KMT2C: variants seen among roughly 807,000 people sequenced by gnomAD.
KMT2C encodes the protein histone-lysine N-methyltransferase 2C.
A neutral mutation model predicts 507.9 loss-of-function variants in KMT2C; 88 were observed. The ratio of observed to expected loss-of-function variants is 0.17; its 90% CI spans 0.15 to 0.21. The LOEUF (loss-of-function observed/expected upper bound fraction) is 0.21, where lower values mean the gene tolerates loss of function less well. Among genes scored for constraint, KMT2C ranks in the 10% least tolerant of loss-of-function variants. The pLI is 1.00. For synonymous variants in KMT2C, 2,049 were observed against 2,080.8 expected (o/e 0.98, Z 0.42); for missense variants, 4,954 against 5,957.8 (o/e 0.83, Z 5.55).
At chr7:152,288,939 T>C (rs1411563129) in intron 6 of KMT2C, among the ~76,000 whole-genome samples, 1 of 152,282 alleles carries the variant, frequency 6.6e-6, no homozygotes, top group Non-Finnish European at 1.5e-5. Flanking sequence ...AGCAAAAACA[T>C]CCATTAGTAA....
intron 1 of KMT2C, among the ~76,000 whole-genome samples, chr7:152,395,070 A>T (rs1357728481): frequency 2.6e-5 from 4 of 152,240 alleles, no homozygotes; most frequent in African/African-American, 9.6e-5. Flanking sequence ...ATCGTAAGGC[A>T]TGCCAATTAA....
At chr7:152,294,278 T>C (rs1481891186) in intron 6 of KMT2C, among the ~76,000 whole-genome samples, 5 of 152,186 alleles carry the variant, frequency 3.3e-5, no homozygotes, top group African/African-American at 1.2e-4. Context: ...GATGAAATAA[T>C]CCATTGTTAA....
chr7:152,224,790 T>C (rs1229820097), intron 18 of KMT2C, among the ~76,000 whole-genome samples, 174 bp from the exon 19 acceptor site: 2 of 152,200 alleles, frequency 1.3e-5, no homozygotes, highest in Non-Finnish European at 2.9e-5. Flanking sequence ...CATACACGCT[T>C]TTAGAAGCCT....
At position 152,136,469 on chromosome 7, in the gene KMT2C, TGCCCCA is replaced by T. The variant is rs1587558892; in HGVS notation, c.*357_*362del. ...CGGGGCAGGGCAGCCATCGGCTCTT[TGCCCCA>T]GTAAAAGTTTCTCCTTAGTGAGACT... On this transcript the variant is annotated 3_prime_UTR_variant, in exon 59 of 59. Transcript: ENST00000262189. 18 of 262,220 alleles carry T rather than the reference TGCCCCA, an allele frequency of 6.9e-5. No individual in the cohort carries two copies. The East Asian group carries it at 1.0e-3, about 15-fold the overall frequency. 16.2% of individuals were successfully genotyped at this position (262,220 alleles called of 1,614,324 possible).
intron 1 of KMT2C, among the ~76,000 whole-genome samples, chr7:152,414,432 G>A (rs2097713540): frequency 6.6e-6 from 1 of 152,050 alleles, no homozygotes; most frequent in African/African-American, 2.4e-5. Context: ...GGAGGCTGAG[G>A]CAGGAGTATC....
intron 2 of KMT2C, among the ~76,000 whole-genome samples, chr7:152,351,602 G>C (rs2129226456): frequency 6.6e-6 from 1 of 152,260 alleles, no homozygotes; most frequent in African/African-American, 2.4e-5. Context: ...GGAAGTCAGG[G>C]ACCCCAAACT....
rs761912547 is a variant in KMT2C at position 152,181,835 on chromosome 7, T to C, written c.6025A>G (p.Lys2009Glu). Residue 2009 changes from lysine (K) to glutamate (E), a missense_variant, in exon 36 of 59, where the codon AAA becomes GAA. Coordinates refer to ENST00000262189, the MANE Select transcript of KMT2C (RefSeq NM_170606.3). ...IAAGTSDHFT[K>E]PSPRADVFQR... ...AACACATCTGCCCTAGGAGATGGTTTAGTAAAGTGATCACTGGTTCCAGCT... is the reference window on the plus strand; with the variant it reads ...AACACATCTGCCCTAGGAGATGGTTCAGTAAAGTGATCACTGGTTCCAGCT... 1 of 1,614,126 alleles carries C rather than the reference T, an allele frequency of 6.2e-7. No individual in the cohort carries two copies. The highest frequency in any genetic ancestry group is 1.1e-5 in the South Asian group (1 of 91,084).
intron 23 of KMT2C, among the ~76,000 whole-genome samples, chr7:152,214,808 G>A (rs1412707620): frequency 2.0e-5 from 3 of 152,046 alleles, no homozygotes; most frequent in African/African-American, 7.3e-5. Context: ...TGGAGGTAGG[G>A]GATGGGTGGG....
intron 3 of KMT2C, among the ~76,000 whole-genome samples, chr7:152,326,464 G>A (rs1011443133): frequency 6.6e-6 from 1 of 151,462 alleles, no homozygotes; most frequent in Non-Finnish European, 1.5e-5. Context: ...ATTTAACTCT[G>A]TTCCTAATAT....
At chr7:152,426,195 C>T (rs73164558) in intron 1 of KMT2C, among the ~76,000 whole-genome samples, 11,422 of 151,250 alleles carry the variant, frequency 0.076, 608 homozygotes, top group Middle Eastern at 0.14. Flanking sequence ...CCACTATCCC[C>T]GCCTCCAATA....
chr7:152,273,757 G>C lies in KMT2C; in HGVS notation c.960C>G (p.Phe320Leu). ...CTGGACAAAGCAGGAAGATGTGACTGAAATCCTGAAAGGTGCCGGCTCCTG... is the reference window on the plus strand; with the variant it reads ...CTGGACAAAGCAGGAAGATGTGACTCAAATCCTGAAAGGTGCCGGCTCCTG... ...CAAGAGTFQD[F>L]SHIFLLCPEH... The change falls in exon 7 of 59, where the codon TTC becomes TTG. Residue 320 changes from phenylalanine (F) to leucine (L), a missense_variant. Phe to Leu is a conservative substitution (Grantham distance 22). Around this residue, in one of 29 missense-constraint regions of KMT2C, gnomAD observed 24 missense variants for 82.7 expected, o/e 0.29. Transcript: ENST00000262189. 1 of 1,614,022 alleles carries C rather than the reference G, an allele frequency of 6.2e-7. No homozygotes were observed. The highest frequency in any genetic ancestry group is 2.2e-5 in the East Asian group (1 of 44,890).
intron 1 of KMT2C, among the ~76,000 whole-genome samples, chr7:152,376,865 C>A (rs1159420291): frequency 6.6e-6 from 1 of 152,270 alleles, no homozygotes; most frequent in Non-Finnish European, 1.5e-5. Context: ...CCATCTAGGA[C>A]TTTCACAGCT....
intron 2 of KMT2C, among the ~76,000 whole-genome samples, chr7:152,337,424 A>G (rs2096946181): frequency 1.3e-5 from 2 of 152,216 alleles, no homozygotes; most frequent in African/African-American, 4.8e-5. Flanking sequence ...TTTCCCTTAA[A>G]TAAGTTCATA....
At chr7:152,154,500 C>A in intron 46 of KMT2C, 55 bp from the exon 47 acceptor site, 1 of 1,471,430 alleles carries the variant, frequency 6.8e-7, no homozygotes, top group South Asian at 1.1e-5. Context: ...CTGGGGGCTT[C>A]CTGTACCAAC....
chr7:152,160,068 A>G (rs568654639), intron 43 of KMT2C, among the ~76,000 whole-genome samples: 1 of 152,368 alleles, frequency 6.6e-6, no homozygotes, highest in Non-Finnish European at 1.5e-5. Flanking sequence ...TCATAAATCA[A>G]TGAGCTTGGC....
chr7:152,252,401 A>G (rs1398920219), intron 10 of KMT2C, 145 bp downstream of exon 10: 1 of 677,118 alleles, frequency 1.5e-6, no homozygotes, highest in East Asian at 2.7e-5. Flanking sequence ...ACTCAAAAAC[A>G]TCATTTAATT....
chr7:152,217,495 C>T (rs191470479), intron 23 of KMT2C, among the ~76,000 whole-genome samples: 2 of 152,262 alleles, frequency 1.3e-5, no homozygotes, highest in African/African-American at 4.8e-5. Flanking sequence ...GATCCTGGCA[C>T]GTAAATGAAC....
intron 1 of KMT2C, among the ~76,000 whole-genome samples, chr7:152,397,437 G>T (rs1278799828): frequency 6.6e-6 from 1 of 152,038 alleles, no homozygotes; most frequent in African/African-American, 2.4e-5. Context: ...AACCTTCTAA[G>T]GGCTTTTGCT....
At position 152,232,904 on chromosome 7, in the gene KMT2C, C is replaced by T. The variant is rs1339723916; in HGVS notation, c.2770-2583G>A. ...AGAGATAAAGTATCTATTTCTACCT[C>T]CCAACCACTAACAGAAAATTCAACA... On this transcript the variant is annotated intron_variant, in intron 16 of 58. Coordinates refer to ENST00000262189, the MANE Select transcript of KMT2C (RefSeq NM_170606.3). Among the ~76,000 whole-genome samples, 4 of 152,138 alleles carry T rather than the reference C, an allele frequency of 2.6e-5. No individual in the cohort carries two copies. In the East Asian group the frequency reaches 7.7e-4, roughly 29 times the overall value.
Sources: allele counts gnomAD v4.1 joint callset (sites outside exome capture counted in the v4.1 genomes callset), GRCh38; gene constraint gnomAD v4.1.1; regional missense constraint gnomAD v4.1.1; transcripts MANE v1.5; gene names NCBI Gene and HGNC (gene_info 2026-07-23, HGNC 2026-07-21).